The following SNCAIP variants were observed in gnomAD, a reference collection of about 807,000 sequenced individuals.
SNCAIP encodes the protein synuclein alpha interacting protein.
A neutral mutation model predicts 86.7 loss-of-function variants in SNCAIP; 43 were observed. The observed-to-expected ratio is 0.50, with a 90% CI of 0.39 to 0.64. The LOEUF (loss-of-function observed/expected upper bound fraction) is 0.64, where lower values mean the gene tolerates loss of function less well. SNCAIP is among the 30% of genes least tolerant of loss of function. SNCAIP has a pLI of 0.00. For missense variants in SNCAIP, 981 were observed against 1,103.1 expected (o/e 0.89, Z 1.57); for synonymous variants, 417 against 427.2 (o/e 0.98, Z 0.29).
intron 6 of SNCAIP, among the ~76,000 whole-genome samples, chr5:122,433,229 G>A (rs555515168): frequency 6.6e-5 from 10 of 151,928 alleles, no homozygotes; most frequent in Admixed American, 3.3e-4. Context: ...CAGGCACCAC[G>A]CCATTGGATT....
intron 1 of SNCAIP, among the ~76,000 whole-genome samples, chr5:122,359,729 C>T (rs1761837880): frequency 1.3e-5 from 2 of 152,030 alleles, no homozygotes; most frequent in South Asian, 2.1e-4. Flanking sequence ...CTCCAGAAAG[C>T]GTATGAATTA....
At chr5:122,401,817 A>T (rs1771874216) in intron 2 of SNCAIP, among the ~76,000 whole-genome samples, 2 of 152,210 alleles carry the variant, frequency 1.3e-5, no homozygotes, top group African/African-American at 4.8e-5. Context: ...AACCTCGTCA[A>T]ATTAAAACTT....
At chr5:122,349,681 G>T (rs966438082) in intron 1 of SNCAIP, among the ~76,000 whole-genome samples, 3 of 152,108 alleles carry the variant, frequency 2.0e-5, no homozygotes, top group Admixed American at 2.0e-4. Flanking sequence ...TTTCTGAGAG[G>T]TTGAAGATCT....
intron 4 of SNCAIP, 78 bp from the exon 5 acceptor site, chr5:122,425,274 C>T: frequency 9.2e-7 from 1 of 1,087,426 alleles, no homozygotes; most frequent in Non-Finnish European, 1.4e-6. Context: ...TTCTTCTTTC[C>T]AGTGCCCAGA....
chr5:122,440,897 G>A (rs924159513), intron 7 of SNCAIP, 143 bp downstream of exon 7: 2 of 796,348 alleles, frequency 2.5e-6, no homozygotes, highest in Non-Finnish European at 2.0e-6. Context: ...TGCTCTATTT[G>A]TGTTTCCAGA....
intron 2 of SNCAIP, among the ~76,000 whole-genome samples, chr5:122,396,346 T>A (rs1046552578): frequency 3.2e-4 from 49 of 152,148 alleles, no homozygotes. Context: ...AAACTCCAAA[T>A]CTTGGACTGG....
intron 1 of SNCAIP, among the ~76,000 whole-genome samples, chr5:122,339,891 A>G (rs1319349546): frequency 6.6e-6 from 1 of 152,206 alleles, no homozygotes; most frequent in Non-Finnish European, 1.5e-5. Context: ...TCAGGGGCAT[A>G]GAGAAAAGAT....
At chr5:122,403,349 A>T (rs113348543) in intron 2 of SNCAIP, among the ~76,000 whole-genome samples, 132 of 152,290 alleles carry the variant, frequency 8.7e-4, no homozygotes, top group African/African-American at 3.1e-3. Context: ...CGGCACAGAC[A>T]TGTCTCCTGA....
intron 1 of SNCAIP, among the ~76,000 whole-genome samples, chr5:122,365,322 A>G (rs1279737936): frequency 2.6e-5 from 4 of 152,174 alleles, no homozygotes; most frequent in Non-Finnish European, 4.4e-5. Flanking sequence ...GACTTTTTCT[A>G]TAGTACCAGT....
Position 122,382,373 on chromosome 5 carries a change from G to A in SNCAIP, c.-46-8716G>A, listed in dbSNP as rs186012513. On this transcript the variant is annotated intron_variant, in intron 1 of 10. Coordinates refer to ENST00000261368, the MANE Select transcript of SNCAIP (RefSeq NM_005460.4). ...TCTGCATTCTTCACGTAATTCTCGA[G>A]CCTTGGTTTTTCAGCTCCATCAGCT... 2.1e-3 allele frequency among the ~76,000 whole-genome samples: 315 copies of A among 152,248 alleles called. 1 individual carries two copies. Among genetic ancestry groups the A allele is most frequent in the African/African-American group, 7.0e-3 (292 of 41,532 alleles).
intron 1 of SNCAIP, among the ~76,000 whole-genome samples, chr5:122,334,419 G>C (rs1045248626): frequency 1.3e-5 from 2 of 152,168 alleles, no homozygotes; most frequent in Non-Finnish European, 2.9e-5. Context: ...TCTCAGATGT[G>C]AGTGACAATA....
At chr5:122,346,986 G>T (rs1269434436) in intron 1 of SNCAIP, among the ~76,000 whole-genome samples, 1 of 151,952 alleles carries the variant, frequency 6.6e-6, no homozygotes, top group East Asian at 1.9e-4. Context: ...ATTGTGTAGG[G>T]ATTTTTCCAA....
chr5:122,429,555 C>A (rs1216656654), intron 5 of SNCAIP, among the ~76,000 whole-genome samples: 3 of 151,684 alleles, frequency 2.0e-5, no homozygotes, highest in African/African-American at 7.3e-5. Context: ...TTTGCTTAAA[C>A]CGTCTTGCCT....
At chr5:122,445,727 A>T (rs1223184508) in intron 8 of SNCAIP, among the ~76,000 whole-genome samples, 1 of 150,084 alleles carries the variant, frequency 6.7e-6, no homozygotes, top group Non-Finnish European at 1.5e-5. Flanking sequence ...ATCAAAAAAA[A>T]AAAAAGAAAA....
intron 1 of SNCAIP, among the ~76,000 whole-genome samples, chr5:122,355,562 C>T (rs75978660): frequency 5.9e-4 from 90 of 152,230 alleles, no homozygotes; most frequent in Admixed American, 3.4e-3. Flanking sequence ...TGTTTCCTCT[C>T]GTTGTCTTTG....
intron 2 of SNCAIP, among the ~76,000 whole-genome samples, chr5:122,393,582 C>T (rs1019979454): frequency 6.6e-6 from 1 of 152,106 alleles, no homozygotes; most frequent in Non-Finnish European, 1.5e-5. Flanking sequence ...TTAACAATAC[C>T]AGGAGACATA....
chr5:122,333,484 C>T lies in SNCAIP; in HGVS notation c.-47+21200C>T, dbSNP rs546015436. Among the ~76,000 whole-genome samples the T allele has an allele frequency of 4.6e-5, 7 of 152,360 alleles. No homozygotes were observed. In the East Asian group the frequency reaches 5.8e-4, roughly 13 times the overall value. ...AAGATCTAGTCCTTTGTACCTCACA[C>T]AGCTCTGAAGAATCTCAGGAATTCT... is the stretch of plus-strand genomic sequence containing the variant. On this transcript the variant is annotated intron_variant, in intron 1 of 10. Coordinates refer to ENST00000261368, the MANE Select transcript of SNCAIP (RefSeq NM_005460.4).
intron 1 of SNCAIP, among the ~76,000 whole-genome samples, chr5:122,322,041 A>G (rs1753052169): frequency 6.6e-6 from 1 of 152,206 alleles, no homozygotes; most frequent in Non-Finnish European, 1.5e-5. Flanking sequence ...TGAGATTGCA[A>G]ACAAGGCCAA....
intron 7 of SNCAIP, among the ~76,000 whole-genome samples, chr5:122,442,853 G>A (rs573257869): frequency 2.0e-5 from 3 of 152,246 alleles, no homozygotes; most frequent in Admixed American, 2.0e-4. Context: ...GGGTACCATG[G>A]AAGTGGAAAC....
Sources: allele counts gnomAD v4.1 joint callset (sites outside exome capture counted in the v4.1 genomes callset), GRCh38; gene constraint gnomAD v4.1.1; transcripts MANE v1.5; gene names NCBI Gene and HGNC (gene_info 2026-07-23, HGNC 2026-07-21).